The following TEAD2 variants were observed in gnomAD, a reference collection of about 807,000 sequenced individuals.
TEAD2 encodes the protein transcriptional enhancer factor TEF-4.
TEAD2 carries 51 observed loss-of-function variants against 61.4 expected under a neutral mutation model. That is an observed-to-expected ratio of 0.83 (90% CI 0.66 to 1.05). TEAD2 has a LOEUF of 1.05. Among genes scored for constraint, TEAD2 ranks in the 50% least tolerant of loss-of-function variants. The pLI, the probability that TEAD2 is intolerant of heterozygous loss-of-function variation, is 0.00. For synonymous variants in TEAD2, 244 were observed against 243.2 expected (o/e 1.00, Z -0.03); for missense variants, 509 against 600.0 (o/e 0.85, Z 1.58).
At chr19:49,350,769 T>G (rs1457001426) in intron 8 of TEAD2, among the ~76,000 whole-genome samples, 1 of 152,142 alleles carries the variant, frequency 6.6e-6, no homozygotes, top group East Asian at 1.9e-4. Context: ...AGTGTGTGGC[T>G]GCAAAGACCA....
rs2335096 is a variant in TEAD2, at chr19:49,346,181, A to G, written c.921+1009T>C. Among the ~76,000 whole-genome samples, 46 of 147,842 alleles carry G rather than the reference A, an allele frequency of 3.1e-4. No homozygotes were observed. The East Asian group carries it at 4.0e-3, about 13-fold the overall frequency. On this transcript the variant is annotated intron_variant, in intron 10 of 12. Coordinates refer to ENST00000593945, the MANE Select transcript of TEAD2 (RefSeq NM_001256660.2). Reference sequence around the variant, plus strand: ...ATTCCATCTCAAAAAAAAAAAAAAAAAAAACAATAAAAGAAAATAAAACAC... The same window carrying G: ...ATTCCATCTCAAAAAAAAAAAAAAAGAAAACAATAAAAGAAAATAAAACAC...
intron 1 of TEAD2, 174 bp from the exon 2 acceptor site, chr19:49,360,255 G>C: frequency 1.6e-6 from 1 of 615,510 alleles, no homozygotes; most frequent in Non-Finnish European, 2.8e-6. Flanking sequence ...GAGGGAGGAG[G>C]ATCTGGGGCC....
intron 10 of TEAD2, among the ~76,000 whole-genome samples, chr19:49,346,851 C>T (rs1006184903): frequency 2.6e-5 from 4 of 152,146 alleles, no homozygotes; most frequent in East Asian, 1.9e-4. Context: ...CTTAGCAGCA[C>T]GGCTTGGTGC....
rs1411311193 is a variant in TEAD2 at position 49,355,217 on chromosome 19, C to A, written c.481-11G>T. ...GAAAAGCTCAGAGGCCTGGATAGGA[C>A]ACAAAGAAAAATGGTTGGTCAGTCC... On this transcript the variant is annotated splice_polypyrimidine_tract_variant and intron_variant, in intron 6 of 12. Transcript: ENST00000593945. 2.5e-6 allele frequency: 4 copies of A among 1,613,580 alleles called. No individual in the cohort carries two copies.
At chr19:49,343,101 T>C (rs1442309380) in intron 11 of TEAD2, 130 bp downstream of exon 11, 2 of 1,088,064 alleles carry the variant, frequency 1.8e-6, no homozygotes, top group Non-Finnish European at 2.6e-6. Context: ...TCCCAACGCA[T>C]GCATTAAACC....
chr19:49,356,228 G>A (rs1972382802), intron 4 of TEAD2: 3 of 368,484 alleles, frequency 8.1e-6, no homozygotes, highest in Non-Finnish European at 1.4e-5. Flanking sequence ...ATGTCCAGGA[G>A]ACAGGAAATG....
At position 49,359,283 on chromosome 19, in the gene TEAD2, TA is replaced by T. The variant is rs1357013739; in HGVS notation, c.297+151del. On this transcript the variant is annotated intron_variant, in intron 3 of 12. Transcript: ENST00000593945. This position sits in a 1 kb window ranked among gnomAD's most constrained non-coding sequence, Gnocchi z 4.1. ...AATAACCCAGCCTCGGGTAATTCTT[TA>T]TAGCAATACAAACGGACTAACACAC... The T allele has an allele frequency of 4.2e-6, 3 of 706,682 alleles. No homozygotes were observed. Among genetic ancestry groups the T allele is most frequent in the African/African-American group, 3.6e-5 (2 of 56,292 alleles). The allele number at this position is 706,682 out of a possible 1,614,324, so 43.8% of individuals were successfully genotyped here. A position where few individuals can be genotyped will look rare whatever the true frequency, so the allele number is the denominator to read the frequency against.
At chr19:49,356,578 C>T (rs1305350750) in intron 4 of TEAD2, among the ~76,000 whole-genome samples, 1 of 151,836 alleles carries the variant, frequency 6.6e-6, no homozygotes, top group African/African-American at 2.4e-5. Context: ...AAAGAGTAGG[C>T]AGGTCATGCA....
intron 7 of TEAD2, among the ~76,000 whole-genome samples, chr19:49,354,215 C>T (rs186215403): frequency 3.4e-4 from 51 of 152,056 alleles, no homozygotes; most frequent in African/African-American, 1.2e-3. Context: ...CTGAGAAATA[C>T]ACCCCTAGCC....
chr19:49,360,116 A>G (rs371579766), intron 1 of TEAD2, 35 bp from the exon 2 acceptor site: 22 of 1,524,832 alleles, frequency 1.4e-5, no homozygotes, highest in Non-Finnish European at 2.0e-5. Flanking sequence ...GCTTCCCCCA[A>G]ACCCCACCCT....
intron 3 of TEAD2, among the ~76,000 whole-genome samples, chr19:49,358,783 C>A (rs1972587161): frequency 6.6e-6 from 1 of 151,774 alleles, no homozygotes; most frequent in South Asian, 2.1e-4. Flanking sequence ...TGGGCACACA[C>A]TGCCACTCCC....
Position 49,355,976 on chromosome 19 carries a change from C to T in TEAD2, c.361-6G>A. 2.4e-6 allele frequency: 3 copies of T among 1,235,278 alleles called. No homozygotes were observed. Among genetic ancestry groups the T allele is most frequent in the Non-Finnish European group, 3.0e-6 (3 of 985,688 alleles). The allele number at this position is 1,235,278 out of a possible 1,614,324, so 76.5% of individuals were successfully genotyped here. On this transcript the variant is annotated splice_polypyrimidine_tract_variant and splice_region_variant and intron_variant, in intron 4 of 12. Coordinates refer to ENST00000593945, the MANE Select transcript of TEAD2 (RefSeq NM_001256660.2). ...GAACTTACCACGTTCAGAGCCTGCCCGTGGGGGTGGGGGAGGGTGCCAAAG... is the reference window on the plus strand; with the variant it reads ...GAACTTACCACGTTCAGAGCCTGCCTGTGGGGGTGGGGGAGGGTGCCAAAG...
chr19:49,356,252 C>G, intron 4 of TEAD2: 1 of 343,012 alleles, frequency 2.9e-6, no homozygotes, highest in Non-Finnish European at 5.2e-6. Context: ...ATTTCAGAGC[C>G]AGCGGGAAGA....
chr19:49,360,727 A>T, intron 1 of TEAD2, among the ~76,000 whole-genome samples: 1 of 135,860 alleles, frequency 7.4e-6, no homozygotes, highest in Admixed American at 7.8e-5. Flanking sequence ...GGAGGTCTAG[A>T]GAGAGGGGGA....
intron 10 of TEAD2, 84 bp from the exon 11 acceptor site, chr19:49,343,482 G>A: frequency 6.8e-7 from 1 of 1,463,634 alleles, no homozygotes; most frequent in Non-Finnish European, 9.1e-7. Flanking sequence ...GTTCACACCT[G>A]TAATCCCAGT....
At position 49,355,946 on chromosome 19, in the gene TEAD2, C is replaced by T; in HGVS notation, c.372+13G>A. 7.9e-7 allele frequency: 1 copy of T among 1,259,084 alleles called. No homozygotes were observed. Among genetic ancestry groups the T allele is most frequent in the Non-Finnish European group, 1.0e-6 (1 of 1,002,082 alleles). 78.0% of individuals were successfully genotyped at this position (1,259,084 alleles called of 1,614,324 possible). On this transcript the variant is annotated intron_variant, in intron 5 of 12. Transcript: ENST00000593945. ...GAGTGAGCGTGGGTGGGAGGATGGG[C>T]AGAGGAACTTACCACGTTCAGAGCC...
chr19:49,347,110 C>A (rs1290428078), intron 10 of TEAD2, 80 bp downstream of exon 10: 1 of 1,558,770 alleles, frequency 6.4e-7, no homozygotes, highest in Non-Finnish European at 8.7e-7. Flanking sequence ...GGGCCCGCGA[C>A]AGATTCTCTC....
chr19:49,357,049 CCT>C (rs1455451907), intron 4 of TEAD2, among the ~76,000 whole-genome samples: 2 of 151,042 alleles, frequency 1.3e-5, no homozygotes, highest in East Asian at 1.9e-4. Flanking sequence ...GGTCTCTGTC[CCT>C]CTCTCTCTGG....
chr19:49,357,294 A>G lies in TEAD2; in HGVS notation c.318T>C (p.Val106=). Residue 106 remains valine, a synonymous_variant, in exon 4 of 13, where the codon GTT becomes GTC. Coordinates refer to ENST00000593945, the MANE Select transcript of TEAD2 (RefSeq NM_001256660.2). ...TTTCCCTTGATTTCCTTCGGGCCAAAACCTGGATGTGACTAGAAACCTGGA... is the reference window on the plus strand; with the variant it reads ...TTTCCCTTGATTTCCTTCGGGCCAAGACCTGGATGTGACTAGAAACCTGGA... ...TRKQVSSHIQ[V]LARRKSREIQ... is the part of the protein sequence containing the mutation. 1 of 1,613,270 alleles carries G rather than the reference A, an allele frequency of 6.2e-7. No individual in the cohort carries two copies. Among genetic ancestry groups the G allele is most frequent in the Non-Finnish European group, 8.5e-7 (1 of 1,179,776 alleles).
Sources: allele counts gnomAD v4.1 joint callset (sites outside exome capture counted in the v4.1 genomes callset), GRCh38; gene constraint gnomAD v4.1.1; non-coding constraint Gnocchi (gnomAD v3.1); transcripts MANE v1.5; gene names NCBI Gene and HGNC (gene_info 2026-07-23, HGNC 2026-07-21).